PRSS38: variants seen among roughly 807,000 people sequenced by gnomAD.
PRSS38 encodes the protein serine protease 38.
A neutral mutation model predicts 26.8 loss-of-function variants in PRSS38; 22 were observed. The ratio of observed to expected loss-of-function variants is 0.82; its 90% CI spans 0.59 to 1.17. PRSS38 has a LOEUF of 1.17. Ranked by LOEUF, PRSS38 falls within the 50% of genes most tolerant of loss-of-function variation. PRSS38 has a pLI of 0.00. For missense variants in PRSS38, 427 were observed against 422.7 expected, an observed-to-expected ratio of 1.01 and a Z score of -0.09; for synonymous variants, 175 against 172.1, an observed-to-expected ratio of 1.02 and a Z score of -0.13.
chr1:227,840,437 T>TG (rs113973434), intron 3 of PRSS38, among the ~76,000 whole-genome samples: 15,069 of 152,126 alleles, frequency 0.099, 793 homozygotes, highest in Non-Finnish European at 0.11. Flanking sequence ...TTTAAATGGT[T>TG]GGGGCGGAAA....
intron 3 of PRSS38, among the ~76,000 whole-genome samples, chr1:227,818,597 G>A (rs1377609864): frequency 7.2e-6 from 1 of 139,052 alleles, no homozygotes. Flanking sequence ...AAGATCTCTT[G>A]ATCCCAGAAG....
intron 3 of PRSS38, among the ~76,000 whole-genome samples, chr1:227,818,245 C>T (rs1355051678): frequency 6.6e-6 from 1 of 152,080 alleles, no homozygotes; most frequent in Non-Finnish European, 1.5e-5. Flanking sequence ...TATATTACAC[C>T]AGATTAAGAA....
intron 3 of PRSS38, among the ~76,000 whole-genome samples, chr1:227,837,180 T>C (rs976144083): frequency 1.3e-5 from 2 of 152,238 alleles, no homozygotes; most frequent in African/African-American, 4.8e-5. Flanking sequence ...AATAGTCCTG[T>C]TGCACTACCA....
At chr1:227,821,956 A>G (rs1665009148) in intron 3 of PRSS38, among the ~76,000 whole-genome samples, 2 of 152,220 alleles carry the variant, frequency 1.3e-5, no homozygotes, top group South Asian at 2.1e-4. Flanking sequence ...TGAAAATACC[A>G]TAACACATAT....
Position 227,816,361 on chromosome 1 carries a change from C to A in PRSS38, c.311+109C>A. The stretch of plus-strand genomic sequence containing the variant: ...CCTCCCCCATCACCATTGTCGACTC[C>A]CTTCACCACTGTCGACCCGCGCAAG... On this transcript the variant is annotated intron_variant, in intron 2 of 4. Coordinates refer to ENST00000366757, the Ensembl canonical transcript of PRSS38. The surrounding 1 kb of genome is among the most constrained non-coding windows in gnomAD (Gnocchi z 5.1). The A allele has an allele frequency of 8.2e-7, 1 of 1,219,684 alleles. No individual in the cohort carries two copies. The highest frequency in any genetic ancestry group is 1.2e-6 in the Non-Finnish European group (1 of 868,394). The allele number at this position is 1,219,684 out of a possible 1,614,324, so 75.6% of individuals were successfully genotyped here. A position where few individuals can be genotyped will look rare whatever the true frequency, so the allele number is the denominator to read the frequency against.
In PRSS38 at chr1:227,816,410, G is replaced by C. The variant is rs1190164595; in HGVS notation, c.311+158G>C. On this transcript the variant is annotated intron_variant, in intron 2 of 4. Coordinates refer to ENST00000366757, the Ensembl canonical transcript of PRSS38. This position sits in a 1 kb window ranked among gnomAD's most constrained non-coding sequence, Gnocchi z 5.1. ...AGGCCAGGTCCCCACCAGTGAGGCT[G>C]GTCCCCAAACACACAGCTGGGTCCC... is the stretch of plus-strand genomic sequence containing the variant. Among the ~76,000 whole-genome samples, 2 of 152,126 alleles carry C rather than the reference G, an allele frequency of 1.3e-5. No homozygotes were observed. Among genetic ancestry groups the C allele is most frequent in the African/African-American group, 4.8e-5 (2 of 41,412 alleles).
At chr1:227,845,388 C>T in intron 3 of PRSS38, 82 bp from the exon 4 acceptor site, 1 of 957,010 alleles carries the variant, frequency 1.0e-6, no homozygotes, top group Admixed American at 2.1e-5. Context: ...GGGCTATCCC[C>T]TTGGTGTCCA....
At chr1:227,826,665 G>A (rs373642059) in intron 3 of PRSS38, among the ~76,000 whole-genome samples, 41 of 152,122 alleles carry the variant, frequency 2.7e-4, no homozygotes, top group East Asian at 2.5e-3. Flanking sequence ...GCAGTGAGCC[G>A]AGATAGTGCC....
At chr1:227,835,348 C>A (rs1316980571) in intron 3 of PRSS38, among the ~76,000 whole-genome samples, 2 of 152,204 alleles carry the variant, frequency 1.3e-5, no homozygotes. Context: ...AGGAGGATTG[C>A]TTGAGCCCAG....
chr1:227,845,480 A>G, exon 4 of PRSS38: 2 of 1,610,966 alleles, frequency 1.2e-6, no homozygotes, highest in Non-Finnish European at 1.7e-6. Context: ...GTGAGACCTC[A>G]GACGAGCTGC....
At chr1:227,845,893 G>C (rs1221516959) in intron 4 of PRSS38, 61 bp from the exon 5 acceptor site, 6 of 1,591,282 alleles carry the variant, frequency 3.8e-6, no homozygotes, top group Admixed American at 1.7e-5. Flanking sequence ...CTGGGGGACA[G>C]GTGCAGGAGG....
chr1:227,844,509 C>T (rs1297539109), intron 3 of PRSS38, among the ~76,000 whole-genome samples: 1 of 150,672 alleles, frequency 6.6e-6, no homozygotes, highest in Non-Finnish European at 1.5e-5. Flanking sequence ...GGTCAGTGCT[C>T]CTTCCGGTTT....
intron 3 of PRSS38, among the ~76,000 whole-genome samples, chr1:227,833,249 C>T (rs1463763636): frequency 2.6e-5 from 4 of 152,094 alleles, no homozygotes; most frequent in African/African-American, 7.2e-5. Context: ...ACAACATGGC[C>T]GAGTGCAGTA....
At chr1:227,833,007 A>G (rs1331323260) in intron 3 of PRSS38, among the ~76,000 whole-genome samples, 3 of 152,242 alleles carry the variant, frequency 2.0e-5, no homozygotes. Context: ...ATTGAAAACT[A>G]TAGAATGTTA....
intron 3 of PRSS38, among the ~76,000 whole-genome samples, chr1:227,821,251 A>T (rs550952380): frequency 8.0e-4 from 121 of 152,054 alleles, no homozygotes; most frequent in African/African-American, 2.9e-3. Context: ...TCCATGGTAT[A>T]CATGTATCAC....
At chr1:227,837,850 G>A (rs1665260145) in intron 3 of PRSS38, among the ~76,000 whole-genome samples, 1 of 152,104 alleles carries the variant, frequency 6.6e-6, no homozygotes, top group South Asian at 2.1e-4. Context: ...ATATATTCTG[G>A]ATACATGTAC....
At chr1:227,823,927 G>C (rs1325004747) in intron 3 of PRSS38, among the ~76,000 whole-genome samples, 1 of 152,136 alleles carries the variant, frequency 6.6e-6, no homozygotes, top group Non-Finnish European at 1.5e-5. Flanking sequence ...GTGAGTGCAG[G>C]TATTTTTTGT....
chr1:227,846,257 G>A lies in PRSS38; in HGVS notation c.*49G>A. The A allele has an allele frequency of 4.4e-6, 7 of 1,590,974 alleles. No individual in the cohort carries two copies. The East Asian group carries it at 1.3e-4, about 30-fold the overall frequency. ...TCTCATGGCTGCACACCCTGCCCCA[G>A]CCCAGCTGCCTCCAGACCCCTAAGC... On this transcript the variant is annotated 3_prime_UTR_variant, in exon 5 of 5. Transcript: ENST00000366757.
intron 3 of PRSS38, among the ~76,000 whole-genome samples, chr1:227,830,943 A>G (rs1484515086): frequency 6.6e-6 from 1 of 152,132 alleles, no homozygotes; most frequent in East Asian, 1.9e-4. Flanking sequence ...CTTGGTCATT[A>G]TAACTAAAGG....
Sources: gnomAD v4.1 joint callset for allele counts (sites outside exome capture counted in the v4.1 genomes callset) on GRCh38, gnomAD v4.1.1 for gene constraint, Gnocchi (gnomAD v3.1) non-coding constraint, MANE v1.5 for transcripts, NCBI Gene and HGNC (gene_info 2026-07-23, HGNC 2026-07-21) for gene names.